Variants in AIM2 observed in about 807,000 individuals in gnomAD.
AIM2 encodes the protein absent in melanoma 2.
A neutral mutation model predicts 27.7 loss-of-function variants in AIM2; 30 were observed. The ratio of observed to expected loss-of-function variants is 1.08; its 90% CI spans 0.81 to 1.47. AIM2 has a LOEUF of 1.47. Among genes scored for constraint, AIM2 ranks in the 40% most tolerant of loss-of-function variants. AIM2 has a pLI of 0.00. For synonymous variants in AIM2, 141 were observed against 145.3 expected, an observed-to-expected ratio of 0.97 and a Z score of 0.21; for missense variants, 358 against 411.3, an observed-to-expected ratio of 0.87 and a Z score of 1.12.
intron 1 of AIM2, among the ~76,000 whole-genome samples, chr1:159,100,362 T>C (rs1657286162): frequency 1.3e-5 from 2 of 152,210 alleles, no homozygotes; most frequent in African/African-American, 4.8e-5. Flanking sequence ...CTGGTACTCT[T>C]GTAATATCTA....
At chr1:159,113,817 T>C (rs372562620) in intron 1 of AIM2, among the ~76,000 whole-genome samples, 102 of 152,334 alleles carry the variant, frequency 6.7e-4, no homozygotes, top group Middle Eastern at 6.8e-3. Context: ...GAGTTCTTTA[T>C]TGAATAGTGG....
chr1:159,111,315 A>C (rs1657567609), intron 1 of AIM2, among the ~76,000 whole-genome samples: 1 of 152,234 alleles, frequency 6.6e-6, no homozygotes, highest in Non-Finnish European at 1.5e-5. Context: ...AACCTGGCGT[A>C]GGGTCTATTA....
At chr1:159,078,576 TAAGCTGGG>T (rs372708448), upstream of AIM2, among the ~76,000 whole-genome samples, 65 of 152,318 alleles carry the variant, frequency 4.3e-4, no homozygotes, top group African/African-American at 1.5e-3. Flanking sequence ...GTTAAGTGAT[TAAGCTGGG>T]AAGTGGTCTC....
upstream of AIM2, among the ~76,000 whole-genome samples, chr1:159,140,764 C>T (rs1648096155): frequency 6.6e-6 from 1 of 152,114 alleles, no homozygotes; most frequent in Non-Finnish European, 1.5e-5. Flanking sequence ...CTAAATGTGG[C>T]CCATTAGACA....
chr1:159,086,609 G>A (rs909072591), intron 1 of AIM2, among the ~76,000 whole-genome samples: 2 of 152,182 alleles, frequency 1.3e-5, no homozygotes, highest in African/African-American at 2.4e-5. Flanking sequence ...TCTGAGCTAA[G>A]TGCTCCTGTT....
intron 1 of AIM2, among the ~76,000 whole-genome samples, chr1:159,130,439 A>C (rs968771063): frequency 6.6e-6 from 1 of 152,114 alleles, no homozygotes; most frequent in African/African-American, 2.4e-5. Context: ...TCTAAAGTGG[A>C]AATACTCATC....
chr1:159,093,827 C>T (rs1380039306), intron 1 of AIM2, among the ~76,000 whole-genome samples: 2 of 151,698 alleles, frequency 1.3e-5, no homozygotes, highest in African/African-American at 4.8e-5. Context: ...CCTCCACCTC[C>T]CAGGTTCAAG....
At chr1:159,119,667 C>A (rs1647477666) in intron 1 of AIM2, among the ~76,000 whole-genome samples, 2 of 152,114 alleles carry the variant, frequency 1.3e-5, no homozygotes, top group Admixed American at 6.6e-5. Flanking sequence ...TTTTAGAAAA[C>A]AATAACCGAA....
At chr1:159,070,889 G>A (rs981162779) in intron 2 of AIM2, among the ~76,000 whole-genome samples, 10 of 152,294 alleles carry the variant, frequency 6.6e-5, no homozygotes, top group Admixed American at 2.6e-4. Flanking sequence ...CATCAAGGGA[G>A]GCGGAAGGAA....
chr1:159,121,944 T>A (rs905285716), intron 1 of AIM2, among the ~76,000 whole-genome samples: 2 of 152,076 alleles, frequency 1.3e-5, no homozygotes, highest in African/African-American at 4.8e-5. Flanking sequence ...AACAGAAAAA[T>A]AAAATAAATT....
upstream of AIM2, among the ~76,000 whole-genome samples, chr1:159,140,994 G>T (rs1251025566): frequency 6.6e-6 from 1 of 152,140 alleles, no homozygotes; most frequent in Non-Finnish European, 1.5e-5. Flanking sequence ...TAATTAGTGT[G>T]TTGCTCTGTG....
intron 1 of AIM2, among the ~76,000 whole-genome samples, chr1:159,121,949 T>A (rs966536162): frequency 6.6e-6 from 1 of 152,144 alleles, no homozygotes; most frequent in African/African-American, 2.4e-5. Flanking sequence ...AAAAATAAAA[T>A]AAATTAATAA....
chr1:159,127,929 T>C (rs1029321403), intron 1 of AIM2, among the ~76,000 whole-genome samples: 1 of 152,198 alleles, frequency 6.6e-6, no homozygotes, highest in Non-Finnish European at 1.5e-5. Flanking sequence ...TGCCTTCTTT[T>C]TCATCTTAAC....
intron 1 of AIM2, among the ~76,000 whole-genome samples, chr1:159,075,690 C>G (rs1174043710): frequency 3.3e-5 from 5 of 150,682 alleles, no homozygotes; most frequent in Non-Finnish European, 5.9e-5. Context: ...AATAAGAAAA[C>G]AACAGTCTAT....
intron 1 of AIM2, among the ~76,000 whole-genome samples, chr1:159,088,847 G>A (rs1656982544): frequency 1.3e-5 from 2 of 152,080 alleles, no homozygotes; most frequent in Admixed American, 1.3e-4. Flanking sequence ...TCACCAGATG[G>A]GCTCCTCAAC....
At chr1:159,130,951 A>G (rs1647857363) in intron 1 of AIM2, among the ~76,000 whole-genome samples, 1 of 152,088 alleles carries the variant, frequency 6.6e-6, no homozygotes, top group Non-Finnish European at 1.5e-5. Flanking sequence ...TCGGCATTAG[A>G]TGTCAGTCTC....
At chr1:159,087,989 T>C (rs1656957349) in intron 1 of AIM2, among the ~76,000 whole-genome samples, 1 of 152,228 alleles carries the variant, frequency 6.6e-6, no homozygotes, top group South Asian at 2.1e-4. Flanking sequence ...TTTCAGTTTA[T>C]TCTTGCTTCT....
At chr1:159,075,596 C>CTATATATA (rs149638835) in intron 1 of AIM2, among the ~76,000 whole-genome samples, 1 of 123,092 alleles carries the variant, frequency 8.1e-6, no homozygotes, top group African/African-American at 3.4e-5. Context: ...GCTATACCTG[C>CTATATATA]TATATATATA....
chr1:159,055,358 C>T, the AIM2 span, among the ~76,000 whole-genome samples: 339 of 152,254 alleles, frequency 2.2e-3, 1 homozygote, highest in Non-Finnish European at 3.7e-3. Context: ...GATAAGTAAG[C>T]GTGAAATCCA....
Sources: allele counts gnomAD v4.1 joint callset (sites outside exome capture counted in the v4.1 genomes callset), GRCh38; gene constraint gnomAD v4.1.1; transcripts MANE v1.5; gene names NCBI Gene and HGNC (gene_info 2026-07-23, HGNC 2026-07-21).